The following NFATC2 variants were observed in gnomAD, a reference collection of about 807,000 sequenced individuals.
NFATC2 encodes nuclear factor of activated T-cells, cytoplasmic 2.
A neutral mutation model predicts 87.3 loss-of-function variants in NFATC2; 22 were observed. The observed-to-expected ratio is 0.25, with a 90% CI of 0.18 to 0.36. The LOEUF (loss-of-function observed/expected upper bound fraction) is 0.36. NFATC2 is among the 10% of genes least tolerant of loss of function. NFATC2 has a pLI of 1.00. For synonymous variants in NFATC2, 565 were observed against 542.2 expected (o/e 1.04, Z -0.58); for missense variants, 1,149 against 1,259.1 (o/e 0.91, Z 1.32).
At chr20:51,453,940 C>A (rs907452445) in intron 6 of NFATC2, among the ~76,000 whole-genome samples, 6 of 152,174 alleles carry the variant, frequency 3.9e-5, no homozygotes, top group Non-Finnish European at 1.5e-5. Flanking sequence ...CATATAGATT[C>A]ATGTACAAGA....
chr20:51,528,094 A>G (rs1419123001), intron 1 of NFATC2, among the ~76,000 whole-genome samples: 1 of 151,906 alleles, frequency 6.6e-6, no homozygotes, highest in Non-Finnish European at 1.5e-5. Context: ...CCAAAAAAAA[A>G]AAAAAAAAAA....
chr20:51,497,372 G>A (rs375885915), intron 3 of NFATC2, among the ~76,000 whole-genome samples: 2 of 152,320 alleles, frequency 1.3e-5, no homozygotes, highest in African/African-American at 4.8e-5. Flanking sequence ...ACGAGTCCAC[G>A]TGGATGTGTA....
In NFATC2 at chr20:51,474,020, T is replaced by G; in HGVS notation, c.1668A>C (p.Arg556Ser). 6.2e-7 allele frequency: 1 copy of G among 1,614,264 alleles called. No homozygotes were observed. Among genetic ancestry groups the G allele is most frequent in the Non-Finnish European group, 8.5e-7 (1 of 1,180,046 alleles). Residue 556 changes from arginine (R) to serine (S), a missense_variant, in exon 5 of 11, where the codon AGA becomes AGC. Physicochemically the swap from Arg to Ser is moderately radical, Grantham distance 110. Coordinates refer to ENST00000371564, the MANE Select transcript of NFATC2 (RefSeq NM_012340.5). ...FRVHIPESSG[R>S]IVSLQTASNP... is the part of the protein sequence containing the mutation. ...TAGATGCAGTCTGTAAAGAGACGAT[T>G]CTGCCACTGGACTCTGGGATGTGAA... is the stretch of plus-strand genomic sequence containing the variant.
rs193111401 is a variant in NFATC2, at chr20:51,451,248, C to A, written c.1849+3300G>T. On this transcript the variant is annotated intron_variant, in intron 6 of 10. Coordinates refer to ENST00000371564, the MANE Select transcript of NFATC2 (RefSeq NM_012340.5). ...CCAAGCAGATGCTGGGCCTGAACTG[C>A]TGAGACGCAGAGGGGAAGGCTTAAG... is the stretch of plus-strand genomic sequence containing the variant. 3.3e-5 allele frequency among the ~76,000 whole-genome samples: 5 copies of A among 152,326 alleles called. No individual in the cohort carries two copies. In the East Asian group the frequency reaches 9.7e-4, roughly 29 times the overall value.
At chr20:51,554,883 G>A (rs2076964488) in intron 1 of NFATC2, among the ~76,000 whole-genome samples, 1 of 152,180 alleles carries the variant, frequency 6.6e-6, no homozygotes, top group African/African-American at 2.4e-5. Flanking sequence ...AGGAGCTGAC[G>A]AGGGGAATCC....
intron 9 of NFATC2, among the ~76,000 whole-genome samples, chr20:51,423,480 G>T (rs1221873624): frequency 6.6e-6 from 1 of 152,010 alleles, no homozygotes; most frequent in Non-Finnish European, 1.5e-5. Context: ...GCAGGGAAGT[G>T]AGTCTTAGCC....
intron 1 of NFATC2, among the ~76,000 whole-genome samples, chr20:51,556,967 G>C (rs578240710): frequency 6.6e-6 from 1 of 152,130 alleles, no homozygotes; most frequent in Non-Finnish European, 1.5e-5. Context: ...TCCAGACTTC[G>C]TGGCGGGCTG....
In NFATC2 at chr20:51,432,818, G is replaced by A. The variant is rs1467571944; in HGVS notation, c.2033-62C>T. The A allele has an allele frequency of 1.4e-6, 2 of 1,407,704 alleles. No individual in the cohort carries two copies. The highest frequency in any genetic ancestry group is 1.9e-6 in the Non-Finnish European group (2 of 1,060,350). 87.2% of individuals were successfully genotyped at this position (1,407,704 alleles called of 1,614,324 possible). On this transcript the variant is annotated intron_variant, in intron 8 of 10. Coordinates refer to ENST00000371564, the MANE Select transcript of NFATC2 (RefSeq NM_012340.5). The surrounding 1 kb of genome is among the most constrained non-coding windows in gnomAD (Gnocchi z 4.6). ...CAGTGAGCCACGGATGTGCACGGAG[G>A]ATTCGTGGATGGTGCTTGAGAACAT...
chr20:51,523,977 C>T lies in NFATC2; in HGVS notation c.264G>A (p.Glu88=), dbSNP rs574231438. The part of the protein sequence containing the change: ...LSGEPPGRFG[E]PDRVGPQKFL... ...ACTTCTGCGGCCCTACCCTATCCGG[C>T]TCTCCGAATCGGCCGGGGGGCTCGC... The change falls in exon 2 of 11, where the codon GAG becomes GAA. Residue 88 remains glutamate (E), a synonymous_variant. Transcript: ENST00000371564. The surrounding 1 kb of genome is among the most constrained non-coding windows in gnomAD (Gnocchi z 6.9). 3 of 1,577,746 alleles carry T rather than the reference C, an allele frequency of 1.9e-6. No homozygotes were observed. Among genetic ancestry groups the T allele is most frequent in the South Asian group, 1.2e-5 (1 of 85,510 alleles).
At chr20:51,447,333 C>T (rs548712177) in intron 6 of NFATC2, among the ~76,000 whole-genome samples, 3 of 152,330 alleles carry the variant, frequency 2.0e-5, no homozygotes, top group South Asian at 2.1e-4. Flanking sequence ...AAAAAATTCT[C>T]TTCAAACAAT....
At chr20:51,558,461 T>C (rs1384330779) in intron 1 of NFATC2, among the ~76,000 whole-genome samples, 1 of 151,928 alleles carries the variant, frequency 6.6e-6, no homozygotes, top group Admixed American at 6.5e-5. Context: ...TATTTAGTAA[T>C]TGGATTTAGG....
intron 5 of NFATC2, among the ~76,000 whole-genome samples, chr20:51,463,355 G>A (rs1987346407): frequency 6.6e-6 from 1 of 152,246 alleles, no homozygotes. Context: ...GAGTGACAAA[G>A]TTGTAGCTGT....
intron 9 of NFATC2, among the ~76,000 whole-genome samples, chr20:51,425,080 G>A (rs1218636718): frequency 6.6e-6 from 1 of 152,108 alleles, no homozygotes; most frequent in Non-Finnish European, 1.5e-5. Context: ...CTCCTGGCTG[G>A]GGGTGGGGGG....
intron 3 of NFATC2, among the ~76,000 whole-genome samples, chr20:51,503,236 T>C (rs2076120407): frequency 6.6e-6 from 1 of 152,202 alleles, no homozygotes; most frequent in Admixed American, 6.5e-5. Flanking sequence ...ACCATGTGAA[T>C]GCATTTCCCC....
chr20:51,387,611 G>C lies in NFATC2; in HGVS notation c.*3885C>G, dbSNP rs1985897535. 1 of 152,172 alleles carries C rather than the reference G, an allele frequency of 6.6e-6. No individual in the cohort carries two copies. The highest frequency in any genetic ancestry group is 1.5e-5 in the Non-Finnish European group (1 of 68,032). The allele number at this position is 152,172 out of a possible 1,614,324, so 9.4% of individuals were successfully genotyped here. On this transcript the variant is annotated 3_prime_UTR_variant, in exon 11 of 11. Coordinates refer to ENST00000371564, the MANE Select transcript of NFATC2 (RefSeq NM_012340.5). The stretch of plus-strand genomic sequence containing the variant: ...GCTGCTTTTTCTTAAGCATTTAATT[G>C]GAATGCAGGAAAATACTTGCTATGC...
intron 2 of NFATC2, 138 bp downstream of exon 2, chr20:51,522,943 A>C: frequency 8.1e-7 from 1 of 1,239,244 alleles, no homozygotes; most frequent in East Asian, 2.3e-5. Context: ...AGGGTCTCGC[A>C]ACCAGCAAGG....
intron 9 of NFATC2, among the ~76,000 whole-genome samples, chr20:51,411,434 A>G (rs557300164): frequency 6.6e-6 from 1 of 150,612 alleles, no homozygotes; most frequent in African/African-American, 2.5e-5. Flanking sequence ...ACACATACAC[A>G]CACCCATACA....
At chr20:51,493,719 G>C (rs531556053) in intron 3 of NFATC2, among the ~76,000 whole-genome samples, 1 of 152,096 alleles carries the variant, frequency 6.6e-6, no homozygotes, top group Non-Finnish European at 1.5e-5. Flanking sequence ...GAACAGAGTC[G>C]ATCACATTGA....
At chr20:51,392,601 C>T (rs532455834) in intron 10 of NFATC2, among the ~76,000 whole-genome samples, 89 of 152,296 alleles carry the variant, frequency 5.8e-4, no homozygotes, top group Non-Finnish European at 1.0e-3. Flanking sequence ...ACTGACTAGT[C>T]GTGGGGTGGA....
Sources: allele counts gnomAD v4.1 joint callset (sites outside exome capture counted in the v4.1 genomes callset), GRCh38; gene constraint gnomAD v4.1.1; non-coding constraint Gnocchi (gnomAD v3.1); transcripts MANE v1.5; gene names NCBI Gene and HGNC (gene_info 2026-07-23, HGNC 2026-07-21).